Variants in EDNRB observed in about 807,000 individuals in gnomAD.
EDNRB encodes Hirschsprung disease 2.
In EDNRB, 18 loss-of-function variants were observed where a neutral mutation model predicts 46.4. That is an observed-to-expected ratio of 0.39 (90% CI 0.27 to 0.57). The LOEUF is 0.57. Among genes scored for constraint, EDNRB ranks in the 20% least tolerant of loss-of-function variants. The pLI, the probability that EDNRB is intolerant of heterozygous loss-of-function variation, is 0.61. For missense variants in EDNRB, 434 were observed against 537.5 expected, an observed-to-expected ratio of 0.81 and a Z score of 1.90; for synonymous variants, 213 against 204.9, an observed-to-expected ratio of 1.04 and a Z score of -0.34.
intron 2 of EDNRB, 57 bp from the exon 3 acceptor site, chr13:77,903,417 GCA>G (rs1879106561): frequency 1.9e-6 from 3 of 1,609,856 alleles, no homozygotes; most frequent in East Asian, 2.2e-5. Flanking sequence ...TTATTGAATT[GCA>G]CAGTTTATTT....
At chr13:77,944,191 T>C (rs927941172) in intron 1 of EDNRB, among the ~76,000 whole-genome samples, 1 of 152,114 alleles carries the variant, frequency 6.6e-6, no homozygotes, top group Non-Finnish European at 1.5e-5. Context: ...TGACCAGACA[T>C]AAAGATGGCC....
intron 1 of EDNRB, among the ~76,000 whole-genome samples, chr13:77,961,256 C>T (rs986822830): frequency 2.0e-5 from 3 of 152,128 alleles, no homozygotes; most frequent in Admixed American, 1.3e-4. Context: ...CTCAGCACCA[C>T]GTCGCACTTA....
intron 1 of EDNRB, among the ~76,000 whole-genome samples, chr13:77,959,330 C>G (rs1393973883): frequency 6.6e-6 from 1 of 152,204 alleles, no homozygotes; most frequent in East Asian, 1.9e-4. Context: ...CCAGGTTCCC[C>G]TCTGAGACGA....
chr13:77,910,149 G>A (rs1203012575), intron 1 of EDNRB, among the ~76,000 whole-genome samples: 1 of 151,980 alleles, frequency 6.6e-6, no homozygotes, highest in African/African-American at 2.4e-5. Flanking sequence ...GTAAACATAG[G>A]AGCATTGTAA....
At chr13:77,943,943 A>T (rs1177533125) in intron 1 of EDNRB, among the ~76,000 whole-genome samples, 1 of 152,034 alleles carries the variant, frequency 6.6e-6, no homozygotes, top group Admixed American at 6.6e-5. Context: ...TTTGGGAGAG[A>T]TAAAGGAAAT....
At chr13:77,919,460 C>T (rs756343897), upstream of EDNRB, 15 of 1,612,652 alleles carry the variant, frequency 9.3e-6, no homozygotes, top group Non-Finnish European at 1.2e-5. Context: ...GGAGGCGGAA[C>T]CCAGCTGGGT....
chr13:77,960,269 G>A (rs1378642967), intron 1 of EDNRB, among the ~76,000 whole-genome samples: 1 of 152,176 alleles, frequency 6.6e-6, no homozygotes, highest in East Asian at 1.9e-4. Context: ...AGGAAAAAAT[G>A]TTAAGGGCAG....
rs5346 is a variant in EDNRB, at chr13:77,918,525, G to A, written c.49C>T (p.Leu17Phe). 8.1e-4 allele frequency: 1,293 copies of A among 1,591,272 alleles called. 8 individuals are homozygous for A. In the African/African-American group the frequency reaches 0.016, roughly 20 times the overall value. The stretch of plus-strand genomic sequence containing the variant: ...CAGATCCGCGACAGGCCGCAGGCAA[G>A]AACCAGCGCAACCAGGGCGCGTCCG... ...LCGRALVALV[L>F]ACGLSRIWGE... Residue 17 changes from leucine (L) to phenylalanine (F), a missense_variant, in exon 1 of 7, where the codon CTT becomes TTT. Coordinates refer to ENST00000646607, the MANE Select transcript of EDNRB (RefSeq NM_001122659.3). The surrounding 1 kb of genome is among the most constrained non-coding windows in gnomAD (Gnocchi z 4.5).
intron 1 of EDNRB, chr13:77,947,522 G>A (rs184610926): frequency 6.6e-6 from 1 of 152,018 alleles, no homozygotes; most frequent in African/African-American, 2.4e-5. Flanking sequence ...TTAGAGATGA[G>A]TGCAATAGCT....
upstream of EDNRB, chr13:77,918,898 G>C (rs1046772525): frequency 8.9e-6 from 11 of 1,239,476 alleles, no homozygotes; most frequent in African/African-American, 1.6e-4. The surrounding 1 kb of genome is among the most constrained non-coding windows in gnomAD (Gnocchi z 4.5). Context: ...GGGTGTGCCA[G>C]GGAGGGAATG....
Position 77,897,317 on chromosome 13 carries a change from T to C in EDNRB, c.*883A>G. 1.0e-6 allele frequency: 1 copy of C among 985,244 alleles called. No homozygotes were observed. Among genetic ancestry groups the C allele is most frequent in the Non-Finnish European group, 1.2e-6 (1 of 829,864 alleles). The allele number at this position is 985,244 out of a possible 1,614,324, so 61.0% of individuals were successfully genotyped here. ...AGCTACGATAGTGAAAGAAGAAGAT[T>C]TTAATAATCCTGAAAAAATTGTAGA... On this transcript the variant is annotated 3_prime_UTR_variant, in exon 7 of 7. Transcript: ENST00000646607.
At chr13:77,904,961 G>A (rs1879201550) in intron 1 of EDNRB, among the ~76,000 whole-genome samples, 1 of 151,904 alleles carries the variant, frequency 6.6e-6, no homozygotes. Flanking sequence ...GACGTCAAAG[G>A]CTAAAATGTT....
chr13:77,927,798 G>T (rs1332198096), intron 1 of EDNRB, among the ~76,000 whole-genome samples: 1 of 152,136 alleles, frequency 6.6e-6, no homozygotes, highest in East Asian at 1.9e-4. Flanking sequence ...GATAAGGTCT[G>T]GCTGTGTCCC....
At position 77,913,506 on chromosome 13, in the gene EDNRB, G is replaced by T. The variant is rs546793779; in HGVS notation, c.483+4585C>A. Reference sequence around the variant, plus strand: ...TATTTGTCTTATCAGTTTGCAAGTAGATTTGTTTTTAAATGCAATTTCTTT... The same window carrying T: ...TATTTGTCTTATCAGTTTGCAAGTATATTTGTTTTTAAATGCAATTTCTTT... On this transcript the variant is annotated intron_variant, in intron 1 of 6. Coordinates refer to ENST00000646607, the MANE Select transcript of EDNRB (RefSeq NM_001122659.3). 2.6e-5 allele frequency among the ~76,000 whole-genome samples: 4 copies of T among 152,254 alleles called. 1 individual carries two copies. In the South Asian group the frequency reaches 8.3e-4, roughly 32 times the overall value.
Position 77,902,661 on chromosome 13 carries a change from T to C in EDNRB, c.801+495A>G, listed in dbSNP as rs570121872. On this transcript the variant is annotated intron_variant, in intron 3 of 6. Transcript: ENST00000646607. ...ATAGCCAATTGGAATTAACTTAGACTGTGCGGTCCAACCCTACCCAATAGG... is the reference window on the plus strand; with the variant it reads ...ATAGCCAATTGGAATTAACTTAGACCGTGCGGTCCAACCCTACCCAATAGG... Among the ~76,000 whole-genome samples the C allele has an allele frequency of 8.5e-4, 130 of 152,070 alleles. 1 individual carries two copies. Among genetic ancestry groups the C allele is most frequent in the African/African-American group, 2.9e-3 (119 of 41,514 alleles).
chr13:77,897,187 T>A lies in EDNRB; in HGVS notation c.*1013A>T. Reference sequence around the variant, plus strand: ...AGTCTTTATTATGAGGTCACTGGCATCTCTCCATCGTAAAGCTATGAGCAC... The same window carrying A: ...AGTCTTTATTATGAGGTCACTGGCAACTCTCCATCGTAAAGCTATGAGCAC... On this transcript the variant is annotated 3_prime_UTR_variant, in exon 7 of 7. Coordinates refer to ENST00000646607, the MANE Select transcript of EDNRB (RefSeq NM_001122659.3). 1 of 985,412 alleles carries A rather than the reference T, an allele frequency of 1.0e-6. No homozygotes were observed. The highest frequency in any genetic ancestry group is 1.2e-6 in the Non-Finnish European group (1 of 829,986). The allele number at this position is 985,412 out of a possible 1,614,324, so 61.0% of individuals were successfully genotyped here.
In EDNRB at chr13:77,929,051, G is replaced by A. The variant is rs114910015; in HGVS notation, c.-51-10427C>T. Among the ~76,000 whole-genome samples, 579 of 152,268 alleles carry A rather than the reference G, an allele frequency of 3.8e-3. 4 individuals carry two copies. Among genetic ancestry groups the A allele is most frequent in the African/African-American group, 0.013 (534 of 41,566 alleles). On this transcript the variant is annotated intron_variant, in intron 1 of 7. Transcript: ENST00000646948. ...TCAGCTATAAATTTTAGGTTCAGAC[G>A]TTGATGAAGGTCAAAAGGTTAGTGA...
chr13:77,931,776 A>AAAAAAAAAAAC (rs1566324494), intron 1 of EDNRB, among the ~76,000 whole-genome samples: 1 of 102,890 alleles, frequency 9.7e-6, no homozygotes, highest in Admixed American at 1.1e-4. Context: ...AAAAAAAAAC[A>AAAAAAAAAAAC]AAAAAAACCT....
At chr13:77,964,279 C>T (rs991955381) in intron 1 of EDNRB, among the ~76,000 whole-genome samples, 1 of 152,014 alleles carries the variant, frequency 6.6e-6, no homozygotes, top group Non-Finnish European at 1.5e-5. Context: ...GGGTATATAC[C>T]CAAAGGATTA....
Sources: gnomAD v4.1 joint callset for allele counts (sites outside exome capture counted in the v4.1 genomes callset) on GRCh38, gnomAD v4.1.1 for gene constraint, Gnocchi (gnomAD v3.1) non-coding constraint, MANE v1.5 for transcripts, NCBI Gene and HGNC (gene_info 2026-07-23, HGNC 2026-07-21) for gene names.